ACAN: variants seen among roughly 807,000 people sequenced by gnomAD.
ACAN encodes aggrecan core protein.
A neutral mutation model predicts 169.1 loss-of-function variants in ACAN; 47 were observed. The ratio of observed to expected loss-of-function variants is 0.28; its 90% CI spans 0.22 to 0.35. The LOEUF (loss-of-function observed/expected upper bound fraction) is 0.35. Ranked by LOEUF, ACAN falls within the 10% of genes least tolerant of loss-of-function variation. The pLI is 1.00. For missense variants in ACAN, 2,716 were observed against 2,759.9 expected (o/e 0.98, Z 0.36); for synonymous variants, 1,115 against 1,112.2 (o/e 1.00, Z -0.05).
In ACAN at chr15:88,839,049, G is replaced by T; in HGVS notation, c.454+3G>T. The T allele has an allele frequency of 1.2e-6, 2 of 1,600,948 alleles. No individual in the cohort carries two copies. The highest frequency in any genetic ancestry group is 8.5e-7 in the Non-Finnish European group (1 of 1,179,550). On this transcript the variant is annotated splice_donor_region_variant and intron_variant, in intron 3 of 18. Transcript: ENST00000560601. This position sits in a 1 kb window ranked among gnomAD's most constrained non-coding sequence, Gnocchi z 4.5. The stretch of plus-strand genomic sequence containing the variant: ...CACCCTGGAAGTCGTGGTGAAAGGT[G>T]AGAGCCTCCCACAGGGACAGACGCT...
chr15:88,804,275 G>A (rs1343516805), intron 1 of ACAN, among the ~76,000 whole-genome samples: 1 of 152,182 alleles, frequency 6.6e-6, no homozygotes, highest in South Asian at 2.1e-4. Context: ...GGCCTTCGCG[G>A]GGTCTGGAAG....
In ACAN at chr15:88,845,741, G is replaced by T. The variant is rs367659235; in HGVS notation, c.1288G>T (p.Ala430Ser). 13 of 1,613,382 alleles carry T rather than the reference G, an allele frequency of 8.1e-6. No individual in the cohort carries two copies. The East Asian group carries it at 2.7e-4, about 33-fold the overall frequency. The change falls in exon 7 of 19, where the codon GCT (alanine) becomes TCT (serine). Residue 430 changes from alanine to serine, a missense_variant. This residue lies in a region of ACAN where 1,283 missense variants were observed against 1,281.5 expected (regional missense o/e 1.00). Transcript: ENST00000560601. The stretch of plus-strand genomic sequence containing the variant: ...CCCTGAAATAGGGGCCACTGCCTTC[G>T]CTGAGGTTGAGAATGAGACTGGAGA... The part of the protein sequence containing the change: ...FAPEIGATAF[A>S]EVENETGEAT...
intron 13 of ACAN, among the ~76,000 whole-genome samples, chr15:88,865,802 C>T (rs766729228): frequency 2.0e-5 from 3 of 152,192 alleles, no homozygotes; most frequent in Non-Finnish European, 4.4e-5. Flanking sequence ...AGGGCCAGAA[C>T]GGCCCTTCCA....
intron 1 of ACAN, among the ~76,000 whole-genome samples, chr15:88,810,356 G>A (rs1300274469): frequency 1.3e-5 from 2 of 151,238 alleles, no homozygotes; most frequent in Non-Finnish European, 2.9e-5. Flanking sequence ...AATTTTGGGG[G>A]GAAAAAAAAA....
intron 1 of ACAN, among the ~76,000 whole-genome samples, chr15:88,817,983 T>C (rs1244952841): frequency 1.3e-5 from 2 of 152,140 alleles, no homozygotes; most frequent in Non-Finnish European, 2.9e-5. Flanking sequence ...TCCCATTGAA[T>C]AGATATACAG....
chr15:88,872,111 G>A lies in ACAN; in HGVS notation c.7302+26G>A. On this transcript the variant is annotated intron_variant, in intron 16 of 18. Transcript: ENST00000560601. This position sits in a 1 kb window ranked among gnomAD's most constrained non-coding sequence, Gnocchi z 5.4. ...GTGAGTTCTGCTGTAGGCACAGCTG[G>A]TGGCCCAGGGGACAGGGAGTGGGAT... The A allele has an allele frequency of 1.2e-6, 2 of 1,601,302 alleles. No homozygotes were observed. The highest frequency in any genetic ancestry group is 1.7e-6 in the Non-Finnish European group (2 of 1,168,568).
chr15:88,836,118 T>G, intron 1 of ACAN, 82 bp from the exon 2 acceptor site: 1 of 980,222 alleles, frequency 1.0e-6, no homozygotes, highest in East Asian at 2.5e-5. Context: ...GAATTATCAC[T>G]TTGCATCATA....
Position 88,870,994 on chromosome 15 carries a change from G to C in ACAN, c.7061-388G>C, listed in dbSNP as rs755855081. ...CCACAGCTCCACTCCCTCTCTCCCT[G>C]GAGCCCCCCAGAGCCACAGAACCAT... On this transcript the variant is annotated intron_variant, in intron 14 of 18. Transcript: ENST00000560601. This position sits in a 1 kb window ranked among gnomAD's most constrained non-coding sequence, Gnocchi z 6.3. 1.3e-5 allele frequency among the ~76,000 whole-genome samples: 2 copies of C among 152,070 alleles called. No homozygotes were observed. The highest frequency in any genetic ancestry group is 2.4e-5 in the African/African-American group (1 of 41,382).
rs1407212481 is a variant in ACAN at position 88,814,126 on chromosome 15, A to G, written c.-8+10317A>G. 6.6e-6 allele frequency among the ~76,000 whole-genome samples: 1 copy of G among 152,230 alleles called. No individual in the cohort carries two copies. Among genetic ancestry groups the G allele is most frequent in the African/African-American group, 2.4e-5 (1 of 41,450 alleles). ...GTGACTTCGTCAGCAGCCATCCCTC[A>G]TCAGCAGTGTGACCTTGACAGAGTT... On this transcript the variant is annotated intron_variant, in intron 1 of 18. Transcript: ENST00000560601. The surrounding 1 kb of genome is among the most constrained non-coding windows in gnomAD (Gnocchi z 4.0).
At chr15:88,803,912 T>G (rs981363466) in intron 1 of ACAN, 103 bp downstream of exon 1, 1 of 152,250 alleles carries the variant, frequency 6.6e-6, no homozygotes, top group Non-Finnish European at 1.5e-5. Flanking sequence ...TGCACTGCCT[T>G]GGTCTCCGCC....
Position 88,847,988 on chromosome 15 carries a change from G to T in ACAN, c.1682G>T (p.Arg561Leu), listed in dbSNP as rs376881991. The change falls in exon 9 of 19, where the codon CGC becomes CTC. Residue 561 changes from arginine (R) to leucine (L), a missense_variant. Physicochemically the swap from Arg to Leu is moderately radical, Grantham distance 102 (BLOSUM62 -2). Around this residue, in one of 3 missense-constraint regions of ACAN, gnomAD observed 1,283 missense variants for 1,281.5 expected, o/e 1.00. Coordinates refer to ENST00000560601, the MANE Select transcript of ACAN (RefSeq NM_001369268.1). ...CCAGGGGTCAGGACCTATGGCGTGC[G>T]CCCATCAACAGAGACCTACGATGTC... ...SSPGVRTYGV[R>L]PSTETYDVYC... 1 of 1,613,966 alleles carries T rather than the reference G, an allele frequency of 6.2e-7. No individual in the cohort carries two copies. The highest frequency in any genetic ancestry group is 2.2e-5 in the East Asian group (1 of 44,886).
intron 13 of ACAN, 77 bp downstream of exon 13, chr15:88,860,516 G>A (rs1389492287): frequency 3.1e-6 from 4 of 1,303,550 alleles, no homozygotes; most frequent in Admixed American, 2.0e-5. Context: ...GGGTCCCCAG[G>A]TGGGAGGAGG....
In ACAN at chr15:88,845,653, C is replaced by T. The variant is rs778149713; in HGVS notation, c.1200C>T (p.Thr400=). The change falls in exon 7 of 19, where the codon ACC becomes ACT. Residue 400 remains threonine, a synonymous_variant. Transcript: ENST00000560601. ...AAGCCCGAGGCAGCGTGATCCTTAC[C>T]GTAAAGCCCATCTTCGAGGTCTCCC... ...EGEARGSVIL[T]VKPIFEVSPS... 34 of 1,614,072 alleles carry T rather than the reference C, an allele frequency of 2.1e-5. 1 individual carries two copies. In the South Asian group the frequency reaches 3.1e-4, roughly 15 times the overall value.
rs753953558 is a variant in ACAN, at chr15:88,874,043, A to G, written c.7630+19A>G. On this transcript the variant is annotated intron_variant, in intron 18 of 18. Transcript: ENST00000560601. This position sits in a 1 kb window ranked among gnomAD's most constrained non-coding sequence, Gnocchi z 7.3. The stretch of plus-strand genomic sequence containing the variant: ...ACAGACCGTGAGCATCACCCCGGCC[A>G]TCTCGCTGAGCACAGGGTTAGATTC... The G allele has an allele frequency of 1.5e-5, 24 of 1,606,452 alleles. No individual in the cohort carries two copies. In the South Asian group the frequency reaches 2.3e-4, roughly 15 times the overall value.
intron 1 of ACAN, among the ~76,000 whole-genome samples, chr15:88,812,417 G>A (rs1242976927): frequency 6.6e-6 from 1 of 152,086 alleles, no homozygotes; most frequent in Admixed American, 6.5e-5. Flanking sequence ...GAGGCATTTA[G>A]AAGACCTTAG....
At chr15:88,808,215 G>A (rs889921740) in intron 1 of ACAN, among the ~76,000 whole-genome samples, 3 of 152,196 alleles carry the variant, frequency 2.0e-5, no homozygotes, top group Non-Finnish European at 4.4e-5. Context: ...GCCTGTGATG[G>A]TCCTCATTTA....
At chr15:88,815,638 G>T (rs1236282450) in intron 1 of ACAN, among the ~76,000 whole-genome samples, 2 of 85,162 alleles carry the variant, frequency 2.3e-5, no homozygotes, top group African/African-American at 4.7e-5. Context: ...TTCAAGACAT[G>T]AAATGTTCTG....
At position 88,868,963 on chromosome 15, in the gene ACAN, C is replaced by T. The variant is rs369081522; in HGVS notation, c.7060+634C>T. Among the ~76,000 whole-genome samples the T allele has an allele frequency of 2.6e-5, 4 of 152,360 alleles. 1 individual carries two copies. Among genetic ancestry groups the T allele is most frequent in the South Asian group, 4.1e-4 (2 of 4,832 alleles). On this transcript the variant is annotated intron_variant, in intron 14 of 18. Coordinates refer to ENST00000560601, the MANE Select transcript of ACAN (RefSeq NM_001369268.1). This position sits in a 1 kb window ranked among gnomAD's most constrained non-coding sequence, Gnocchi z 5.2. ...ATGCTTCCTTTCTCCCTCCCTTGTG[C>T]AAGGCAAAGGGTGGCCAGAGAGAAC...
At chr15:88,813,076 A>C (rs138791140) in intron 1 of ACAN, among the ~76,000 whole-genome samples, 1 of 152,278 alleles carries the variant, frequency 6.6e-6, no homozygotes, top group East Asian at 1.9e-4. Flanking sequence ...GGAAATCTCC[A>C]TGCAGCAAAA....
Sources: allele counts gnomAD v4.1 joint callset (sites outside exome capture counted in the v4.1 genomes callset), GRCh38; gene constraint gnomAD v4.1.1; regional missense constraint gnomAD v4.1.1; non-coding constraint Gnocchi (gnomAD v3.1); transcripts MANE v1.5; gene names NCBI Gene and HGNC (gene_info 2026-07-23, HGNC 2026-07-21).